UNC5CL: variants seen among roughly 807,000 people sequenced by gnomAD.
UNC5CL encodes the protein UNC5C-like protein.
A neutral mutation model predicts 54.1 loss-of-function variants in UNC5CL; 42 were observed. That is an observed-to-expected ratio of 0.78 (90% CI 0.61 to 1.00). UNC5CL has a LOEUF of 1.00. Among genes scored for constraint, UNC5CL ranks in the 50% least tolerant of loss-of-function variants. The probability of loss-of-function intolerance (pLI) is 0.00; values close to 1 mark genes in which losing one functional copy is unlikely to be tolerated. For synonymous variants in UNC5CL, 285 were observed against 285.1 expected, an observed-to-expected ratio of 1.00 and a Z score of 0.00; for missense variants, 619 against 675.6, an observed-to-expected ratio of 0.92 and a Z score of 0.93.
Position 41,030,471 on chromosome 6 carries a change from C to T in UNC5CL, c.1251G>A (p.Arg417=), listed in dbSNP as rs1267520197. The part of the protein sequence containing the change: ...RLPPELFEQL[R]MLLEPNSITG... The stretch of plus-strand genomic sequence containing the variant: ...TGATGCTGTTTGGCTCCAATAACAT[C>T]CGCAGCTGCTCAAAGAGCTCTGGGG... Residue 417 remains arginine (R), a synonymous_variant, in exon 8 of 9, where the codon CGG becomes CGA. Coordinates refer to ENST00000244565, the MANE Select transcript of UNC5CL (RefSeq NM_173561.3). 7.4e-6 allele frequency: 12 copies of T among 1,614,206 alleles called. No homozygotes were observed. Among genetic ancestry groups the T allele is most frequent in the Non-Finnish European group, 1.0e-5 (12 of 1,180,032 alleles).
chr6:41,028,214 C>T lies in UNC5CL; in HGVS notation c.*159G>A, dbSNP rs1762410071. On this transcript the variant is annotated 3_prime_UTR_variant, in exon 9 of 9. Transcript: ENST00000244565. This position sits in a 1 kb window ranked among gnomAD's most constrained non-coding sequence, Gnocchi z 4.3. ...GCTCGCGGCCGGAAGGGCGCGCCTG[C>T]TGCTGGGAGGCTGGCGAGGACGCGG... The T allele has an allele frequency of 1.3e-6, 1 of 778,208 alleles. No individual in the cohort carries two copies. Among genetic ancestry groups the T allele is most frequent in the African/African-American group, 1.8e-5 (1 of 55,366 alleles). 48.2% of individuals were successfully genotyped at this position (778,208 alleles called of 1,614,324 possible).
chr6:41,034,013 GCA>G lies in UNC5CL; in HGVS notation c.552_553del (p.Ala185ArgfsTer35). On this transcript the variant is annotated frameshift_variant, in exon 3 of 9. Coordinates refer to ENST00000244565, the MANE Select transcript of UNC5CL (RefSeq NM_173561.3). LOFTEE classifies it high-confidence loss of function. ...GGTGCGAGCATGGCTGGGCTGCTCG[GCA>G]CAGTGTTTGAACGTGAGAGTGCAAG... 1.9e-6 allele frequency: 3 copies of G among 1,614,214 alleles called. No homozygotes were observed. Among genetic ancestry groups the G allele is most frequent in the Middle Eastern group, 1.6e-4 (1 of 6,062 alleles).
rs1403827036 is a variant in UNC5CL at position 41,028,983 on chromosome 6, C to G, written c.1335-388G>C. On this transcript the variant is annotated intron_variant, in intron 8 of 8. Transcript: ENST00000244565. The surrounding 1 kb of genome is among the most constrained non-coding windows in gnomAD (Gnocchi z 4.3). ...TCCTAACTCCCTCCTTCCTCCCTCT[C>G]TCCTAGGCCACAACATCCTGCTCAC... Among the ~76,000 whole-genome samples the G allele has an allele frequency of 6.9e-6, 1 of 145,730 alleles. No individual in the cohort carries two copies. Among genetic ancestry groups the G allele is most frequent in the Non-Finnish European group, 1.5e-5 (1 of 66,796 alleles).
rs923726145 is a variant in UNC5CL at position 41,028,886 on chromosome 6, A to G, written c.1335-291T>C. ...AGACAAGAGGACCTCTAAGTTTGCT[A>G]CAGTTCTGATGTTCTGTAATTGCCT... On this transcript the variant is annotated intron_variant, in intron 8 of 8. Coordinates refer to ENST00000244565, the MANE Select transcript of UNC5CL (RefSeq NM_173561.3). The surrounding 1 kb of genome is among the most constrained non-coding windows in gnomAD (Gnocchi z 4.3). Among the ~76,000 whole-genome samples, 3 of 152,006 alleles carry G rather than the reference A, an allele frequency of 2.0e-5. No homozygotes were observed. The highest frequency in any genetic ancestry group is 4.4e-5 in the Non-Finnish European group (3 of 67,986).
At chr6:41,034,235 C>T in intron 2 of UNC5CL, 54 bp from the exon 3 acceptor site, 1 of 1,538,846 alleles carries the variant, frequency 6.5e-7, no homozygotes, top group Non-Finnish European at 8.7e-7. Context: ...ACACCCCTGC[C>T]CCTGAAAGAG....
intron 1 of UNC5CL, among the ~76,000 whole-genome samples, chr6:41,035,419 T>C (rs572958402): frequency 6.6e-6 from 1 of 152,186 alleles, no homozygotes; most frequent in African/African-American, 2.4e-5. Flanking sequence ...AAACTTATCA[T>C]ATTGATGTAA....
Position 41,030,745 on chromosome 6 carries a change from G to A in UNC5CL, c.1130C>T (p.Thr377Ile), listed in dbSNP as rs768558976. 9.9e-6 allele frequency: 16 copies of A among 1,613,806 alleles called. No individual in the cohort carries two copies. The African/African-American group carries it at 2.1e-4, about 22-fold the overall frequency. Residue 377 changes from threonine to isoleucine, a missense_variant, in exon 7 of 9, where the codon ACC (threonine) becomes ATC (isoleucine). Coordinates refer to ENST00000244565, the MANE Select transcript of UNC5CL (RefSeq NM_173561.3). ...GAATCTGAGGATTTCCATATACTTG[G>A]TCTCCAAGCCCTGAGTCAACACAGG... ...TMHTFQDGLE[T>I]KYMEILRFQA...
rs769929947 is a variant in UNC5CL at position 41,030,720 on chromosome 6, G to A, written c.1155C>T (p.Phe385=). Residue 385 remains phenylalanine (F), a synonymous_variant, in exon 7 of 9, where the codon TTC becomes TTT. Transcript: ENST00000244565. ...LETKYMEILR[F]QASEEESWAA... is the part of the protein sequence containing the mutation. ...CCCAGGATTCCTCCTCTGATGCCTG[G>A]AATCTGAGGATTTCCATATACTTGG... 30 of 1,613,928 alleles carry A rather than the reference G, an allele frequency of 1.9e-5. No individual in the cohort carries two copies. Among genetic ancestry groups the A allele is most frequent in the Non-Finnish European group, 2.5e-5 (29 of 1,180,002 alleles).
chr6:41,034,975 G>A lies in UNC5CL; in HGVS notation c.100C>T (p.His34Tyr). Residue 34 changes from histidine to tyrosine, a missense_variant, in exon 2 of 9, where the codon CAC becomes TAC. Physicochemically the swap from His to Tyr is moderately conservative, Grantham distance 83. Coordinates refer to ENST00000244565, the MANE Select transcript of UNC5CL (RefSeq NM_173561.3). ...GCCCCCAGCAGCCTTCTAGGGCAGT[G>A]CCATCGAAGGCATTGGGCCAGAAGG... ...VLLLAQCLRWHCPRRLLGACW... is the reference protein window; with the variant it reads ...VLLLAQCLRWYCPRRLLGACW... 13 of 1,610,692 alleles carry A rather than the reference G, an allele frequency of 8.1e-6. No individual in the cohort carries two copies. The highest frequency in any genetic ancestry group is 1.3e-5 in the African/African-American group (1 of 74,982).
intron 1 of UNC5CL, among the ~76,000 whole-genome samples, chr6:41,035,981 A>G (rs1395393781): frequency 6.6e-6 from 1 of 152,252 alleles, no homozygotes; most frequent in African/African-American, 2.4e-5. Context: ...CAAGTCGCAG[A>G]GAGATAAAAT....
At position 41,032,898 on chromosome 6, in the gene UNC5CL, G is replaced by A. The variant is rs377238936; in HGVS notation, c.935C>T (p.Thr312Met). 2.6e-5 allele frequency: 41 copies of A among 1,603,082 alleles called. No individual in the cohort carries two copies. The highest frequency in any genetic ancestry group is 6.7e-5 in the African/African-American group (5 of 74,806). Residue 312 changes from threonine to methionine, a missense_variant, in exon 4 of 9, where the codon ACG (threonine) becomes ATG (methionine). Transcript: ENST00000244565. ...GCCTCCCTCACCCTCTGAGATGTAC[G>A]TGAGCTTCAGGCACTGGTCGCCCCT... The part of the protein sequence containing the change: ...GARGDQCLKL[T>M]YISEGWENVD...
chr6:41,033,198 C>T, intron 3 of UNC5CL, 52 bp from the exon 4 acceptor site: 2 of 1,570,938 alleles, frequency 1.3e-6, no homozygotes, highest in Non-Finnish European at 8.6e-7. Context: ...GCTAAGACAC[C>T]AACACACTGC....
chr6:41,030,837 C>T, intron 6 of UNC5CL, 82 bp from the exon 7 acceptor site: 3 of 1,237,640 alleles, frequency 2.4e-6, no homozygotes, highest in South Asian at 1.3e-5. Flanking sequence ...TACCTCCATT[C>T]CTCATGTCTC....
chr6:41,036,366 A>G (rs1376247666), intron 1 of UNC5CL, among the ~76,000 whole-genome samples: 1 of 152,234 alleles, frequency 6.6e-6, no homozygotes, highest in Non-Finnish European at 1.5e-5. Flanking sequence ...GTACTAATGA[A>G]TCCGGTCTTA....
At position 41,032,109 on chromosome 6, in the gene UNC5CL, G is replaced by A; in HGVS notation, c.978C>T (p.Cys326=). Residue 326 remains cysteine (C), a synonymous_variant, in exon 5 of 9, where the codon TGC becomes TGT. Coordinates refer to ENST00000244565, the MANE Select transcript of UNC5CL (RefSeq NM_173561.3). ...EGWENVDDSS[C]QLVPHLHIWH... ...AGATGTGGAGATGGGGAACCAGCTG[G>A]CAACTGCTGTCATCCACATTCTCCC... 1 of 1,614,190 alleles carries A rather than the reference G, an allele frequency of 6.2e-7. No homozygotes were observed. The highest frequency in any genetic ancestry group is 8.5e-7 in the Non-Finnish European group (1 of 1,180,038).
rs748176529 is a variant in UNC5CL, at chr6:41,035,020, C to A, written c.55G>T (p.Val19Phe). ...QPSQFLLLVG[V>F]PVASVLLLAQ... ...AGAAGGAGGACACTTGCCACTGGGA[C>A]CCCCACCAGCAGTAGGAACTGGGAG... The change falls in exon 2 of 9, where the codon GTC becomes TTC. Residue 19 changes from valine (V) to phenylalanine (F), a missense_variant. By Grantham distance (50) the Val-to-Phe change is conservative. Coordinates refer to ENST00000244565, the MANE Select transcript of UNC5CL (RefSeq NM_173561.3). 1.1e-5 allele frequency: 17 copies of A among 1,599,794 alleles called. No individual in the cohort carries two copies. Among genetic ancestry groups the A allele is most frequent in the Non-Finnish European group, 1.5e-5 (17 of 1,169,330 alleles).
At chr6:41,032,008 G>A in intron 5 of UNC5CL, 28 bp downstream of exon 5, 1 of 1,605,316 alleles carries the variant, frequency 6.2e-7, no homozygotes, top group Non-Finnish European at 8.5e-7. Flanking sequence ...AGAGAGGGGA[G>A]GAGGTACACA....
At chr6:41,035,285 C>T (rs910220439) in intron 1 of UNC5CL, 150 bp from the exon 2 acceptor site, 22 of 544,044 alleles carry the variant, frequency 4.0e-5, no homozygotes, top group East Asian at 3.2e-4. Context: ...CTCTCTTACT[C>T]GAGAACCTAC....
In UNC5CL at chr6:41,030,425, G is replaced by T; in HGVS notation, c.1297C>A (p.Leu433Met). The change falls in exon 8 of 9, where the codon CTG (leucine) becomes ATG (methionine). Residue 433 changes from leucine (L) to methionine (M), a missense_variant. Leu to Met is a conservative substitution (Grantham distance 15, BLOSUM62 2). Coordinates refer to ENST00000244565, the MANE Select transcript of UNC5CL (RefSeq NM_173561.3). Reference sequence around the variant, plus strand: ...CCGCAAAGCCCCAGGTGGGAGGCCAGTCTGCGCCAGTCATTGCCGGTGATG... The same window carrying T: ...CCGCAAAGCCCCAGGTGGGAGGCCATTCTGCGCCAGTCATTGCCGGTGATG... ...NSITGNDWRR[L>M]ASHLGLCGMK... 6.2e-7 allele frequency: 1 copy of T among 1,614,150 alleles called. No individual in the cohort carries two copies. Among genetic ancestry groups the T allele is most frequent in the Non-Finnish European group, 8.5e-7 (1 of 1,180,020 alleles).
Sources: allele counts gnomAD v4.1 joint callset (sites outside exome capture counted in the v4.1 genomes callset), GRCh38; gene constraint gnomAD v4.1.1; non-coding constraint Gnocchi (gnomAD v3.1); transcripts MANE v1.5; gene names NCBI Gene and HGNC (gene_info 2026-07-23, HGNC 2026-07-21).